Variants in PKP2 observed in about 807,000 individuals in gnomAD.
PKP2 encodes plakophilin-2.
PKP2 carries 73 observed loss-of-function variants against 83.4 expected under a neutral mutation model. That is an observed-to-expected ratio of 0.88 (90% CI 0.72 to 1.06). The LOEUF is 1.06. PKP2 is among the 50% of genes least tolerant of loss of function. The pLI, the probability that PKP2 is intolerant of heterozygous loss-of-function variation, is 0.00. For missense variants in PKP2, 966 were observed against 1,065.4 expected (o/e 0.91, Z 1.30); for synonymous variants, 409 against 430.4 (o/e 0.95, Z 0.62).
chr12:32,830,774 C>T (rs968121165), intron 6 of PKP2, among the ~76,000 whole-genome samples: 22 of 152,138 alleles, frequency 1.4e-4, no homozygotes, highest in Admixed American at 1.0e-3. Context: ...GGTGTAGTAG[C>T]GCATGCCTGT....
rs375268778 is a variant in PKP2 at position 32,878,085 on chromosome 12, C to A, written c.795G>T (p.Gly265=). 177 of 1,613,996 alleles carry A rather than the reference C, an allele frequency of 1.1e-4. No homozygotes were observed. Among genetic ancestry groups the A allele is most frequent in the Non-Finnish European group, 1.4e-4 (165 of 1,180,044 alleles). Residue 265 remains glycine, a synonymous_variant, in exon 3 of 13, where the codon GGG becomes GGT. Coordinates refer to ENST00000340811, the MANE Select transcript of PKP2 (RefSeq NM_001005242.3). ...LLEKENYLTA[G]LTVGQVRPLV... ...GCGGCCTGACCTGCCCGACAGTGAGCCCTGCCGTCAGGTAGTTCTCCTTCT... is the reference window on the plus strand; with the variant it reads ...GCGGCCTGACCTGCCCGACAGTGAGACCTGCCGTCAGGTAGTTCTCCTTCT...
intron 8 of PKP2, 54 bp downstream of exon 8, chr12:32,822,413 A>T (rs1956388796): frequency 1.4e-6 from 2 of 1,456,102 alleles, no homozygotes. Context: ...ACACAAACAC[A>T]CACTCTCTCT....
At chr12:32,834,136 T>C (rs1362447423) in intron 6 of PKP2, among the ~76,000 whole-genome samples, 1 of 152,180 alleles carries the variant, frequency 6.6e-6, no homozygotes, top group Non-Finnish European at 1.5e-5. Flanking sequence ...GTGAAGCAAC[T>C]TTCATCCCTC....
chr12:32,865,380 A>C (rs1184872473), intron 4 of PKP2, among the ~76,000 whole-genome samples: 1 of 150,006 alleles, frequency 6.7e-6, no homozygotes, highest in Non-Finnish European at 1.5e-5. Flanking sequence ...ATCTCAGAAA[A>C]AAAAAAAAAA....
At chr12:32,814,329 C>T (rs746785986) in intron 9 of PKP2, among the ~76,000 whole-genome samples, 23 of 152,136 alleles carry the variant, frequency 1.5e-4, no homozygotes, top group Non-Finnish European at 3.2e-4. Flanking sequence ...CCTAGACTTC[C>T]CCACAGTCCC....
chr12:32,851,715 G>A (rs555060424), intron 4 of PKP2, among the ~76,000 whole-genome samples: 4 of 152,184 alleles, frequency 2.6e-5, no homozygotes, highest in African/African-American at 4.8e-5. Context: ...TGATCCACCC[G>A]CCTCGGCCTC....
chr12:32,896,466 G>T, intron 1 of PKP2, 43 bp downstream of exon 1: 1 of 1,394,980 alleles, frequency 7.2e-7, no homozygotes, highest in Non-Finnish European at 9.5e-7. Context: ...GTGACCGGGT[G>T]TGGGGCAGGG....
intron 3 of PKP2, among the ~76,000 whole-genome samples, chr12:32,873,683 C>T (rs1158614410): frequency 6.6e-6 from 1 of 152,162 alleles, no homozygotes; most frequent in Non-Finnish European, 1.5e-5. Flanking sequence ...GCATCCACCA[C>T]CATGCCTGGC....
intron 4 of PKP2, among the ~76,000 whole-genome samples, chr12:32,864,777 A>C (rs1036267911): frequency 3.3e-5 from 5 of 152,232 alleles, no homozygotes; most frequent in Non-Finnish European, 7.3e-5. Flanking sequence ...TGAGACTTAT[A>C]AAACGATAGT....
intron 9 of PKP2, among the ~76,000 whole-genome samples, chr12:32,804,863 TGA>T (rs1281144305): frequency 1.3e-5 from 2 of 152,228 alleles, no homozygotes; most frequent in Non-Finnish European, 2.9e-5. Flanking sequence ...TCTAGATCTT[TGA>T]GAAAGCACCA....
chr12:32,868,574 G>C (rs1187721332), intron 4 of PKP2, among the ~76,000 whole-genome samples: 1 of 151,928 alleles, frequency 6.6e-6, no homozygotes, highest in Non-Finnish European at 1.5e-5. Flanking sequence ...CCAGGCTGGA[G>C]TGCAGTGGCG....
intron 6 of PKP2, among the ~76,000 whole-genome samples, chr12:32,827,440 TAGAC>T (rs1255290577): frequency 2.6e-5 from 4 of 152,190 alleles, no homozygotes; most frequent in Non-Finnish European, 5.9e-5. Flanking sequence ...TAGAAGTCAT[TAGAC>T]AGAAAGTAAT....
chr12:32,840,556 C>G (rs985012377), intron 6 of PKP2, among the ~76,000 whole-genome samples: 10 of 152,264 alleles, frequency 6.6e-5, no homozygotes, highest in Admixed American at 5.9e-4. Flanking sequence ...GCCTCAGCCT[C>G]CCAAAGTGCT....
intron 6 of PKP2, among the ~76,000 whole-genome samples, chr12:32,838,481 T>A (rs1193803759): frequency 2.7e-5 from 4 of 147,818 alleles, no homozygotes; most frequent in Admixed American, 6.8e-5. Context: ...AATCGAAAAT[T>A]AAAAAAAAAA....
At chr12:32,849,852 G>A (rs1956681256) in intron 5 of PKP2, among the ~76,000 whole-genome samples, 2 of 152,320 alleles carry the variant, frequency 1.3e-5, no homozygotes, top group East Asian at 1.9e-4. Flanking sequence ...AGTGAGCTAA[G>A]GAGGTGGTAC....
chr12:32,857,726 C>T (rs1010314150), intron 4 of PKP2, among the ~76,000 whole-genome samples: 1 of 151,980 alleles, frequency 6.6e-6, no homozygotes. Context: ...TCATCATTCT[C>T]AAAACCAGTC....
intron 6 of PKP2, among the ~76,000 whole-genome samples, chr12:32,835,519 T>C (rs775621700): frequency 6.7e-6 from 1 of 149,828 alleles, no homozygotes; most frequent in Non-Finnish European, 1.5e-5. Flanking sequence ...TAGCAGCTTT[T>C]CTCCACTGAA....
chr12:32,798,942 T>C (rs545492324), intron 10 of PKP2, among the ~76,000 whole-genome samples: 26 of 152,338 alleles, frequency 1.7e-4, no homozygotes, highest in Admixed American at 4.6e-4. Flanking sequence ...AAAAAGCTTC[T>C]GCACAGCAAA....
intron 3 of PKP2, among the ~76,000 whole-genome samples, chr12:32,874,906 A>G (rs935577827): frequency 7.9e-5 from 12 of 151,972 alleles, no homozygotes; most frequent in Middle Eastern, 3.4e-3. Context: ...ACGCCAGGCT[A>G]AGTTGTTTAT....
Sources: gnomAD v4.1 joint callset for allele counts (sites outside exome capture counted in the v4.1 genomes callset) on GRCh38, gnomAD v4.1.1 for gene constraint, MANE v1.5 for transcripts, NCBI Gene and HGNC (gene_info 2026-07-23, HGNC 2026-07-21) for gene names.